Variants in TREML2 observed in about 807,000 individuals in gnomAD.
TREML2 encodes the protein trem-like transcript 2 protein.
In TREML2, 24 loss-of-function variants were observed where a neutral mutation model predicts 25.9. The observed-to-expected ratio is 0.93, with a 90% CI of 0.67 to 1.30. TREML2 has a LOEUF of 1.30. TREML2 is among the 50% of genes most tolerant of loss of function. TREML2 has a pLI of 0.00. For missense variants in TREML2, 359 were observed against 395.6 expected (o/e 0.91, Z 0.78); for synonymous variants, 139 against 155.2 (o/e 0.90, Z 0.77).
chr6:41,194,487 G>C lies in TREML2; in HGVS notation c.723C>G (p.Thr241=). The change falls in exon 3 of 5, where the codon ACC becomes ACG. Residue 241 remains threonine (T), a synonymous_variant. Transcript: ENST00000483722. Reference sequence around the variant, plus strand: ...ATCTGCTGGTGAGGCAGAGCCCTGTGGTGGGCGATCTGGTGCTGAGGTCCC... The same window carrying C: ...ATCTGCTGGTGAGGCAGAGCCCTGTCGTGGGCGATCTGGTGCTGAGGTCCC... The part of the protein sequence containing the change: ...KSGDLSTRSP[T]TGLCLTSRSL... 6.2e-7 allele frequency: 1 copy of C among 1,611,796 alleles called. No homozygotes were observed. Among genetic ancestry groups the C allele is most frequent in the Non-Finnish European group, 8.5e-7 (1 of 1,179,096 alleles).
chr6:41,192,590 T>C, intron 4 of TREML2, 84 bp from the exon 5 acceptor site: 1 of 1,402,670 alleles, frequency 7.1e-7, no homozygotes, highest in Non-Finnish European at 1.0e-6. Context: ...AGCCCCTTTC[T>C]GGCTCTGCCT....
chr6:41,197,050 C>T (rs6916710), intron 2 of TREML2, among the ~76,000 whole-genome samples: 75,803 of 152,074 alleles, frequency 0.5, 20,447 homozygotes, highest in African/African-American at 0.71. Flanking sequence ...TTGGCTCACC[C>T]CTCAACTGAG....
At chr6:41,194,868 T>C (rs746746495) in intron 2 of TREML2, 35 bp from the exon 3 acceptor site, 3 of 1,534,784 alleles carry the variant, frequency 2.0e-6, no homozygotes, top group Admixed American at 2.0e-5. Flanking sequence ...TTAGATTGAC[T>C]TGGGTGCCTC....
chr6:41,195,854 C>T (rs1157806745), intron 2 of TREML2, among the ~76,000 whole-genome samples: 1 of 152,210 alleles, frequency 6.6e-6, no homozygotes, highest in Non-Finnish European at 1.5e-5. Flanking sequence ...TCTCCCCCTC[C>T]CTCATTCCTG....
chr6:41,194,976 T>C, intron 2 of TREML2, 143 bp from the exon 3 acceptor site: 5 of 703,440 alleles, frequency 7.1e-6, no homozygotes, highest in Non-Finnish European at 1.1e-5. Flanking sequence ...CCTAGGATTC[T>C]GGCTGCTGAG....
At chr6:41,200,915 C>T in intron 1 of TREML2, 39 bp downstream of exon 1, 2 of 1,496,374 alleles carry the variant, frequency 1.3e-6, no homozygotes, top group Non-Finnish European at 8.9e-7. Flanking sequence ...GCCTCTGTAC[C>T]CACTCCCTCC....
At position 41,192,568 on chromosome 6, in the gene TREML2, T is replaced by A; in HGVS notation, c.887-62A>T. Reference sequence around the variant, plus strand: ...CCTGCCCACGGTGCCCCGATGCTCCTCCACCAGCCCCAGCCCCTTTCTGGC... The same window carrying A: ...CCTGCCCACGGTGCCCCGATGCTCCACCACCAGCCCCAGCCCCTTTCTGGC... On this transcript the variant is annotated intron_variant, in intron 4 of 4. Coordinates refer to ENST00000483722, the MANE Select transcript of TREML2 (RefSeq NM_024807.4). The A allele has an allele frequency of 2.0e-6, 3 of 1,493,084 alleles. No homozygotes were observed. In the South Asian group the frequency reaches 3.5e-5, roughly 17 times the overall value. The allele number at this position is 1,493,084 out of a possible 1,614,324, so 92.5% of individuals were successfully genotyped here.
intron 2 of TREML2, among the ~76,000 whole-genome samples, chr6:41,195,358 C>T (rs915463630): frequency 2.0e-5 from 3 of 152,158 alleles, no homozygotes; most frequent in African/African-American, 7.2e-5. Context: ...ACCCATCAAC[C>T]CAGCCCTTTT....
At chr6:41,199,049 AG>A (rs1443349242) in intron 1 of TREML2, among the ~76,000 whole-genome samples, 2 of 152,122 alleles carry the variant, frequency 1.3e-5, no homozygotes, top group Non-Finnish European at 1.5e-5. Context: ...TTTTTAGTAG[AG>A]ACGGGATTTC....
chr6:41,199,680 T>C (rs1021703077), intron 1 of TREML2, among the ~76,000 whole-genome samples: 2 of 152,120 alleles, frequency 1.3e-5, no homozygotes, highest in African/African-American at 4.8e-5. Flanking sequence ...AGCTGACTCT[T>C]CTGATAATTT....
chr6:41,198,622 A>G (rs1166995700), intron 1 of TREML2, among the ~76,000 whole-genome samples, 193 bp from the exon 2 acceptor site: 1 of 152,138 alleles, frequency 6.6e-6, no homozygotes, highest in Non-Finnish European at 1.5e-5. Flanking sequence ...GGCCCTGAAA[A>G]CAGCTAGCTT....
chr6:41,198,644 G>C (rs999304578), intron 1 of TREML2, among the ~76,000 whole-genome samples: 3 of 152,178 alleles, frequency 2.0e-5, no homozygotes, highest in African/African-American at 7.2e-5. Flanking sequence ...CAGTATTACA[G>C]TGGAGACACA....
chr6:41,194,614 C>T lies in TREML2; in HGVS notation c.596G>A (p.Ser199Asn). The change falls in exon 3 of 5, where the codon AGC (serine) becomes AAC (asparagine). Residue 199 changes from serine (S) to asparagine (N), a missense_variant. Transcript: ENST00000483722. ...GYSFTATSTTSQGPRRTMGSQ... is the reference protein window; with the variant it reads ...GYSFTATSTTNQGPRRTMGSQ... ...CCCCATGGTCCTCCTGGGTCCCTGGCTGGTGGTGCTGGTAGCAGTGAAGCT... is the reference window on the plus strand; with the variant it reads ...CCCCATGGTCCTCCTGGGTCCCTGGTTGGTGGTGCTGGTAGCAGTGAAGCT... 6.2e-7 allele frequency: 1 copy of T among 1,614,042 alleles called. No homozygotes were observed. The highest frequency in any genetic ancestry group is 8.5e-7 in the Non-Finnish European group (1 of 1,179,998).
rs562393290 is a variant in TREML2, at chr6:41,192,477, G to T, written c.916C>A (p.Arg306Ser). Residue 306 changes from arginine (R) to serine (S), a missense_variant, in exon 5 of 5, where the codon CGT (arginine) becomes AGT (serine). By Grantham distance (110) the Arg-to-Ser change is moderately radical. Coordinates refer to ENST00000483722, the MANE Select transcript of TREML2 (RefSeq NM_024807.4). Reference protein sequence around the residue: ...SYSMCSDPSTRDPPGRPEPYV... With the variant: ...SYSMCSDPSTSDPPGRPEPYV... ...GGCTCTGGTCTTCCAGGTGGGTCAC[G>T]TGTAGAAGGATCGCTGCACATGCTG... 3.1e-6 allele frequency: 5 copies of T among 1,613,898 alleles called. No homozygotes were observed. Among genetic ancestry groups the T allele is most frequent in the African/African-American group, 1.3e-5 (1 of 74,920 alleles).
rs1466359673 is a variant in TREML2 at position 41,190,598 on chromosome 6, T to C, written c.*1829A>G. ...ATGAGGCCAAGGGTTAGTGACTTGC[T>C]GAGGGTCACACAGTGACAGAGTGGT... is the stretch of plus-strand genomic sequence containing the variant. On this transcript the variant is annotated 3_prime_UTR_variant, in exon 5 of 5. Transcript: ENST00000483722. 1 of 152,274 alleles carries C rather than the reference T, an allele frequency of 6.6e-6. No individual in the cohort carries two copies. The highest frequency in any genetic ancestry group is 1.9e-4 in the East Asian group (1 of 5,194). The allele number at this position is 152,274 out of a possible 1,614,324, so 9.4% of individuals were successfully genotyped here. A position where few individuals can be genotyped will look rare whatever the true frequency, so the allele number is the denominator to read the frequency against.
intron 3 of TREML2, 59 bp from the exon 4 acceptor site, chr6:41,192,960 C>CGTGG: frequency 5.1e-6 from 7 of 1,376,230 alleles, no homozygotes; most frequent in Non-Finnish European, 6.9e-6. Context: ...TCCTAACCCA[C>CGTGG]GTTGGGATCG....
In TREML2 at chr6:41,192,819, T is replaced by C. The variant is rs555449848; in HGVS notation, c.868A>G (p.Lys290Glu). 1 of 1,612,634 alleles carries C rather than the reference T, an allele frequency of 6.2e-7. No individual in the cohort carries two copies. Among genetic ancestry groups the C allele is most frequent in the South Asian group, 1.1e-5 (1 of 90,776 alleles). The change falls in exon 4 of 5, where the codon AAG (lysine) becomes GAG (glutamate). Residue 290 changes from lysine (K) to glutamate (E), a missense_variant. Lys to Glu is a moderately conservative substitution (Grantham distance 56, BLOSUM62 1). Coordinates refer to ENST00000483722, the MANE Select transcript of TREML2 (RefSeq NM_024807.4). ...TACTCACTTGCCATGTGTCTCTTCT[T>C]CCAAAACCCATAGACCATGATCAGC... is the stretch of plus-strand genomic sequence containing the variant. ...LMLIMVYGFW[K>E]KRHMASYSMC...
At chr6:41,195,038 T>A (rs1372448779) in intron 2 of TREML2, among the ~76,000 whole-genome samples, 4 of 152,098 alleles carry the variant, frequency 2.6e-5, no homozygotes, top group Non-Finnish European at 2.9e-5. Context: ...AGGAAGTAGG[T>A]GTACTGAAGA....
Position 41,200,858 on chromosome 6 carries a change from C to T in TREML2, c.55+96G>A. 5 of 1,149,190 alleles carry T rather than the reference C, an allele frequency of 4.4e-6. No homozygotes were observed. The South Asian group carries it at 9.0e-5, about 21-fold the overall frequency. The allele number at this position is 1,149,190 out of a possible 1,614,324, so 71.2% of individuals were successfully genotyped here. On this transcript the variant is annotated intron_variant, in intron 1 of 4. Transcript: ENST00000483722. Reference sequence around the variant, plus strand: ...CTTCCCCAACCCACAAAACACTAAACAAGAAAACTGCTGGTAAGGAGGGTA... The same window carrying T: ...CTTCCCCAACCCACAAAACACTAAATAAGAAAACTGCTGGTAAGGAGGGTA...
Sources: allele counts gnomAD v4.1 joint callset (sites outside exome capture counted in the v4.1 genomes callset), GRCh38; gene constraint gnomAD v4.1.1; transcripts MANE v1.5; gene names NCBI Gene and HGNC (gene_info 2026-07-23, HGNC 2026-07-21).